Variants in G6PC3 observed in about 807,000 individuals in gnomAD.
G6PC3 encodes glucose-6-phosphatase 3.
Under a neutral mutation model 38.6 loss-of-function variants are expected in G6PC3, and 30 were observed. That is an observed-to-expected ratio of 0.78 (90% CI 0.58 to 1.05). The LOEUF (loss-of-function observed/expected upper bound fraction) is 1.05. G6PC3 is among the 50% of genes least tolerant of loss of function. The pLI is 0.00. For missense variants in G6PC3, 377 were observed against 443.1 expected (o/e 0.85, Z 1.34); for synonymous variants, 192 against 178.1 (o/e 1.08, Z -0.62).
chr17:44,071,417 T>C (rs1046546224), intron 1 of G6PC3: 18 of 703,960 alleles, frequency 2.6e-5, no homozygotes, highest in Middle Eastern at 4.1e-4. Flanking sequence ...AAAAATCACC[T>C]AAGGGGCGTG....
chr17:44,075,258 G>T (rs772529759), intron 4 of G6PC3, 52 bp from the exon 5 acceptor site: 5 of 1,611,150 alleles, frequency 3.1e-6, no homozygotes, highest in Non-Finnish European at 4.2e-6. Context: ...GTCGGGGTGG[G>T]GAGGGTCATA....
chr17:44,071,394 A>T (rs2049976231), intron 1 of G6PC3: 1 of 808,658 alleles, frequency 1.2e-6, no homozygotes, highest in Non-Finnish European at 1.9e-6. Context: ...TGTTCTTCAA[A>T]CTGGTCTGAT....
chr17:44,075,601 G>T, intron 5 of G6PC3, 79 bp from the exon 6 acceptor site: 2 of 1,602,760 alleles, frequency 1.2e-6, no homozygotes, highest in Non-Finnish European at 8.5e-7. Flanking sequence ...CATGGGAGTG[G>T]GCCCCAAGGG....
At chr17:44,071,395 C>T in intron 1 of G6PC3, 2 of 805,216 alleles carry the variant, frequency 2.5e-6, no homozygotes, top group Non-Finnish European at 3.8e-6. Flanking sequence ...GTTCTTCAAA[C>T]TGGTCTGATG....
In G6PC3 at chr17:44,070,825, C is replaced by T; in HGVS notation, c.-141C>T. 3.4e-6 allele frequency: 3 copies of T among 890,044 alleles called. No homozygotes were observed. Among genetic ancestry groups the T allele is most frequent in the Non-Finnish European group, 5.3e-6 (3 of 565,904 alleles). The allele number at this position is 890,044 out of a possible 1,614,324, so 55.1% of individuals were successfully genotyped here. A position where few individuals can be genotyped will look rare whatever the true frequency, so the allele number is the denominator to read the frequency against. ...GAGCGGGGGACTGCTGGGGGCGGGG[C>T]TTGGTGGTGACCGCTGGCGGGGCGG... On this transcript the variant is annotated 5_prime_UTR_variant, in exon 1 of 6. Transcript: ENST00000269097.
At chr17:44,071,283 C>A (rs1237614620) in intron 1 of G6PC3, 100 bp downstream of exon 1, 2 of 1,532,272 alleles carry the variant, frequency 1.3e-6, no homozygotes, top group South Asian at 2.4e-5. Flanking sequence ...CAAGGGCCTT[C>A]CCACCCCTAC....
At chr17:44,071,269 G>T in intron 1 of G6PC3, 86 bp downstream of exon 1, 1 of 1,547,172 alleles carries the variant, frequency 6.5e-7, no homozygotes, top group South Asian at 1.2e-5. Context: ...TTCAGCAACT[G>T]TCTCAAGGGC....
chr17:44,071,702 G>A, intron 1 of G6PC3: 1 of 1,205,176 alleles, frequency 8.3e-7, no homozygotes, highest in Non-Finnish European at 1.1e-6. Flanking sequence ...GTGGTCCCTG[G>A]ACCATGCCCA....
chr17:44,075,922 G>A lies in G6PC3; in HGVS notation c.920G>A (p.Ser307Asn), dbSNP rs762579612. 4 of 1,613,100 alleles carry A rather than the reference G, an allele frequency of 2.5e-6. No individual in the cohort carries two copies. The East Asian group carries it at 6.7e-5, about 27-fold the overall frequency. The change falls in exon 6 of 6, where the codon AGC becomes AAC. Residue 307 changes from serine to asparagine, a missense_variant. Transcript: ENST00000269097. The part of the protein sequence containing the change: ...LDWLGHPPQI[S>N]LFYIFNFLKY... Reference sequence around the variant, plus strand: ...TGGCTGGGCCACCCCCCTCAGATCAGCCTCTTCTACATTTTCAATTTCCTC... The same window carrying A: ...TGGCTGGGCCACCCCCCTCAGATCAACCTCTTCTACATTTTCAATTTCCTC...
Position 44,070,962 on chromosome 17 carries a change from C to T in G6PC3, c.-4C>T, listed in dbSNP as rs370859437. On this transcript the variant is annotated 5_prime_UTR_variant, in exon 1 of 6. Coordinates refer to ENST00000269097, the MANE Select transcript of G6PC3 (RefSeq NM_138387.4). ...GCCGGGGCCTGGTCGGCAGCTGGGC[C>T]GCCATGGAGTCCACGCTGGGCGCGG... 4.1e-5 allele frequency: 64 copies of T among 1,550,744 alleles called. No individual in the cohort carries two copies. In the African/African-American group the frequency reaches 8.1e-4, roughly 20 times the overall value.
rs886897934 is a variant in G6PC3 at position 44,070,843 on chromosome 17, C to A, written c.-123C>A. On this transcript the variant is annotated 5_prime_UTR_variant, in exon 1 of 6. Transcript: ENST00000269097. ...GGCGGGGCTTGGTGGTGACCGCTGG[C>A]GGGGCGGGGCCTGGGGCTCAGAGGG... 1.8e-6 allele frequency: 2 copies of A among 1,104,164 alleles called. No homozygotes were observed. The highest frequency in any genetic ancestry group is 2.6e-5 in the East Asian group (1 of 38,216). The allele number at this position is 1,104,164 out of a possible 1,614,324, so 68.4% of individuals were successfully genotyped here.
At chr17:44,071,468 A>C in intron 1 of G6PC3, 2 of 618,630 alleles carry the variant, frequency 3.2e-6, no homozygotes, top group Non-Finnish European at 2.6e-6. Context: ...ACACTTACTA[A>C]TTTAGAAACT....
Position 44,075,010 on chromosome 17 carries a change from T to G in G6PC3, c.458T>G (p.Phe153Cys). The change falls in exon 4 of 6, where the codon TTC becomes TGC. Residue 153 changes from phenylalanine to cysteine, a missense_variant. Physicochemically the swap from Phe to Cys is radical, Grantham distance 205. Transcript: ENST00000269097. Reference sequence around the variant, plus strand: ...ATGCCTAGCCTGGCTTATTGCACCTTCCTTTTGGCGGTTGGCTTGTCGCGA... The same window carrying G: ...ATGCCTAGCCTGGCTTATTGCACCTGCCTTTTGGCGGTTGGCTTGTCGCGA... ...RVMPSLAYCT[F>C]LLAVGLSRIF... 1 of 1,614,212 alleles carries G rather than the reference T, an allele frequency of 6.2e-7. No individual in the cohort carries two copies. Among genetic ancestry groups the G allele is most frequent in the Non-Finnish European group, 8.5e-7 (1 of 1,180,042 alleles).
rs1473777056 is a variant in G6PC3 at position 44,074,837 on chromosome 17, C to A, written c.416+67C>A. ...GGCACCCTGTACCTAATAGACACAGCAGCATGGCAGCCTGGGAGCTGGAGT... is the reference window on the plus strand; with the variant it reads ...GGCACCCTGTACCTAATAGACACAGAAGCATGGCAGCCTGGGAGCTGGAGT... On this transcript the variant is annotated intron_variant, in intron 3 of 5. Transcript: ENST00000269097. 30 of 1,512,236 alleles carry A rather than the reference C, an allele frequency of 2.0e-5. No homozygotes were observed. In the East Asian group the frequency reaches 6.3e-4, roughly 32 times the overall value. 93.7% of individuals were successfully genotyped at this position (1,512,236 alleles called of 1,614,324 possible).
chr17:44,076,137 T>TA lies in G6PC3; in HGVS notation c.*96dup. The TA allele has an allele frequency of 6.6e-7, 1 of 1,514,896 alleles. No homozygotes were observed. The highest frequency in any genetic ancestry group is 1.1e-5 in the South Asian group (1 of 88,612). 93.8% of individuals were successfully genotyped at this position (1,514,896 alleles called of 1,614,324 possible). ...GGCAGCCCCATCCCCTTCCAGCCCCTAAGTAGGCCCTCCCCTCCCTAAATC... is the reference window on the plus strand; with the variant it reads ...GGCAGCCCCATCCCCTTCCAGCCCCTAAAGTAGGCCCTCCCCTCCCTAAATC... On this transcript the variant is annotated 3_prime_UTR_variant, in exon 6 of 6. Transcript: ENST00000269097.
chr17:44,072,352 C>T (rs1354715708), intron 1 of G6PC3: 4 of 115,510 alleles, frequency 3.5e-5, no homozygotes, highest in South Asian at 2.9e-4. Flanking sequence ...TTTTTTGAGA[C>T]GGAGTCTCGC....
At chr17:44,071,402 G>T in intron 1 of G6PC3, 1 of 778,464 alleles carries the variant, frequency 1.3e-6, no homozygotes, top group Non-Finnish European at 2.0e-6. Context: ...AAACTGGTCT[G>T]ATGGAAAAAT....
rs1356971270 is a variant in G6PC3 at position 44,076,172 on chromosome 17, A to G, written c.*129A>G. The G allele has an allele frequency of 1.6e-6, 2 of 1,247,374 alleles. No individual in the cohort carries two copies. Among genetic ancestry groups the G allele is most frequent in the East Asian group, 2.3e-5 (1 of 43,300 alleles). The allele number at this position is 1,247,374 out of a possible 1,614,324, so 77.3% of individuals were successfully genotyped here. A position where few individuals can be genotyped will look rare whatever the true frequency, so the allele number is the denominator to read the frequency against. On this transcript the variant is annotated 3_prime_UTR_variant, in exon 6 of 6. Coordinates refer to ENST00000269097, the MANE Select transcript of G6PC3 (RefSeq NM_138387.4). ...CTCCCCTCCCTAAATCTGCTTCCGCACCACCTGGTCTTAGCCCCAAAGATG... is the reference window on the plus strand; with the variant it reads ...CTCCCCTCCCTAAATCTGCTTCCGCGCCACCTGGTCTTAGCCCCAAAGATG...
chr17:44,070,961 C>T lies in G6PC3; in HGVS notation c.-5C>T. ...AGCCGGGGCCTGGTCGGCAGCTGGGCCGCCATGGAGTCCACGCTGGGCGCG... is the reference window on the plus strand; with the variant it reads ...AGCCGGGGCCTGGTCGGCAGCTGGGTCGCCATGGAGTCCACGCTGGGCGCG... On this transcript the variant is annotated 5_prime_UTR_variant, in exon 1 of 6. Coordinates refer to ENST00000269097, the MANE Select transcript of G6PC3 (RefSeq NM_138387.4). 2 of 1,550,404 alleles carry T rather than the reference C, an allele frequency of 1.3e-6. No individual in the cohort carries two copies. The highest frequency in any genetic ancestry group is 1.7e-6 in the Non-Finnish European group (2 of 1,147,226).
Sources: gnomAD v4.1 joint callset for allele counts on GRCh38, gnomAD v4.1.1 for gene constraint, MANE v1.5 for transcripts, NCBI Gene and HGNC (gene_info 2026-07-23, HGNC 2026-07-21) for gene names.